PCNX2: variants seen among roughly 807,000 people sequenced by gnomAD.
PCNX2 encodes pecanex-like protein 2.
PCNX2 carries 168 observed loss-of-function variants against 223.8 expected under a neutral mutation model. The ratio of observed to expected loss-of-function variants is 0.75; its 90% confidence interval spans 0.66 to 0.85. The LOEUF (loss-of-function observed/expected upper bound fraction) is 0.85. Ranked by LOEUF, PCNX2 falls within the 40% of genes least tolerant of loss-of-function variation. PCNX2 has a pLI of 0.00. For synonymous variants in PCNX2, 1,006 were observed against 1,052.6 expected (o/e 0.96, Z 0.86); for missense variants, 2,507 against 2,675.5 (o/e 0.94, Z 1.39).
chr1:233,034,772 G>A (rs1407046927), intron 25 of PCNX2, among the ~76,000 whole-genome samples: 1 of 152,194 alleles, frequency 6.6e-6, no homozygotes, highest in Non-Finnish European at 1.5e-5. Context: ...CCTCATGAGA[G>A]GTACCTTCCT....
At chr1:233,207,503 T>C (rs2102908950) in intron 13 of PCNX2, among the ~76,000 whole-genome samples, 1 of 152,316 alleles carries the variant, frequency 6.6e-6, no homozygotes, top group African/African-American at 2.4e-5. Context: ...GCATATGCCG[T>C]CGGGTCAATA....
the PCNX2 span, among the ~76,000 whole-genome samples, chr1:233,307,458 C>G: frequency 2.0e-5 from 3 of 152,208 alleles, no homozygotes; most frequent in Non-Finnish European, 2.9e-5. Flanking sequence ...GTGGAAGCAG[C>G]CTGAAGCCCT....
At chr1:233,152,637 TCAGATAGCACTATGA>T (rs138902833) in intron 19 of PCNX2, among the ~76,000 whole-genome samples, 7,336 of 152,226 alleles carry the variant, frequency 0.048, 641 homozygotes, top group African/African-American at 0.17. Flanking sequence ...AATAAGGCAT[TCAGATAGCACTATGA>T]CCTATTGATG....
chr1:233,166,199 A>AT (rs150573244), intron 17 of PCNX2, among the ~76,000 whole-genome samples: 10,409 of 151,618 alleles, frequency 0.069, 562 homozygotes, highest in East Asian at 0.3. Flanking sequence ...AAATAAATAA[A>AT]TAAATTAAAT....
At position 232,991,453 on chromosome 1, in the gene PCNX2, G is replaced by A. The variant is rs1343862743; in HGVS notation, c.5792-4913C>T. On this transcript the variant is annotated intron_variant, in intron 32 of 33. Transcript: ENST00000258229. The surrounding 1 kb of genome is among the most constrained non-coding windows in gnomAD (Gnocchi z 4.3). ...TGCGGGGGAGGGGTGCTCATGGGAT[G>A]CGCGTGGGTGTTCCGGGCTGAATCA... Among the ~76,000 whole-genome samples the A allele has an allele frequency of 6.6e-6, 1 of 152,110 alleles. No individual in the cohort carries two copies. Among genetic ancestry groups the A allele is most frequent in the Non-Finnish European group, 1.5e-5 (1 of 67,998 alleles).
intron 9 of PCNX2, 151 bp downstream of exon 9, chr1:233,236,694 T>C (rs569997863): frequency 2.7e-5 from 30 of 1,096,562 alleles, no homozygotes; most frequent in Non-Finnish European, 3.9e-5. Context: ...ATTCAGTCAG[T>C]AGACTGCCTT....
chr1:233,110,071 A>T (rs1675030633), intron 21 of PCNX2, among the ~76,000 whole-genome samples: 1 of 152,224 alleles, frequency 6.6e-6, no homozygotes. Flanking sequence ...CCTGGGTGAC[A>T]GAGGGAGACC....
At chr1:233,050,348 T>TA (rs906732779) in intron 25 of PCNX2, among the ~76,000 whole-genome samples, 170 of 135,066 alleles carry the variant, frequency 1.3e-3, no homozygotes, top group Middle Eastern at 3.6e-3. Context: ...CCATACTGAA[T>TA]AAAAAAAAAA....
Position 233,258,725 on chromosome 1 carries a change from C to T in PCNX2, c.1137G>A (p.Thr379=), listed in dbSNP as rs549669481. ...TCATGGAGTTTGGGGTACTGCTCATCGTGATAACAATTTTTATGGGCTCAT... is the reference window on the plus strand; with the variant it reads ...TCATGGAGTTTGGGGTACTGCTCATTGTGATAACAATTTTTATGGGCTCAT... ...SLHEPIKIVI[T]MSSTPNSMTD... The change falls in exon 5 of 34, where the codon ACG becomes ACA. Residue 379 remains threonine (T), a synonymous_variant. Transcript: ENST00000258229. The T allele has an allele frequency of 4.0e-5, 65 of 1,613,772 alleles. No homozygotes were observed. The highest frequency in any genetic ancestry group is 5.0e-5 in the Non-Finnish European group (59 of 1,179,902).
intron 13 of PCNX2, among the ~76,000 whole-genome samples, chr1:233,202,871 G>A (rs968935118): frequency 8.5e-5 from 13 of 152,124 alleles, no homozygotes; most frequent in African/African-American, 1.7e-4. Flanking sequence ...GCTTGGACCC[G>A]GCTACAGCTG....
At chr1:233,144,394 T>C (rs1173619127) in intron 19 of PCNX2, among the ~76,000 whole-genome samples, 2 of 152,204 alleles carry the variant, frequency 1.3e-5, no homozygotes, top group Admixed American at 6.5e-5. Context: ...ATAGAGTACA[T>C]AACTAGGTGT....
intron 23 of PCNX2, among the ~76,000 whole-genome samples, chr1:233,086,428 C>T (rs57860528): frequency 0.097 from 14,795 of 151,762 alleles, 832 homozygotes; most frequent in African/African-American, 0.15. Context: ...GAGGCCAAGG[C>T]GAGTGGATCA....
At chr1:233,141,833 A>T (rs1456192594) in intron 19 of PCNX2, among the ~76,000 whole-genome samples, 2 of 151,484 alleles carry the variant, frequency 1.3e-5, no homozygotes, top group Admixed American at 6.6e-5. Flanking sequence ...TAGAAATCTT[A>T]CTTGAAAAGA....
the PCNX2 span, among the ~76,000 whole-genome samples, chr1:233,324,598 A>ATTTT: frequency 7.6e-3 from 970 of 127,518 alleles, 12 homozygotes; most frequent in African/African-American, 0.013. Context: ...GTTTACTGAA[A>ATTTT]TTTTTTTTTT....
intron 23 of PCNX2, among the ~76,000 whole-genome samples, chr1:233,080,804 G>T (rs183490961): frequency 3.4e-4 from 52 of 152,226 alleles, no homozygotes; most frequent in African/African-American, 1.2e-3. Context: ...CAAACATTCA[G>T]TCCACTGCAA....
At chr1:233,291,548 C>T (rs370158693) in intron 1 of PCNX2, 12 of 469,290 alleles carry the variant, frequency 2.6e-5, no homozygotes, top group African/African-American at 4.5e-5. Context: ...GTGGAGGTTG[C>T]GGTGAGCCGA....
intron 25 of PCNX2, among the ~76,000 whole-genome samples, chr1:233,038,929 C>T (rs1671549747): frequency 6.6e-6 from 1 of 152,172 alleles, no homozygotes. Context: ...TGATATTTTC[C>T]AGACCTGGTG....
chr1:233,025,036 G>T lies in PCNX2; in HGVS notation c.4605+110C>A, dbSNP rs576965440. The T allele has an allele frequency of 2.6e-4, 366 of 1,425,614 alleles. No individual in the cohort carries two copies. The African/African-American group carries it at 4.2e-3, about 16-fold the overall frequency. The allele number at this position is 1,425,614 out of a possible 1,614,324, so 88.3% of individuals were successfully genotyped here. A position where few individuals can be genotyped will look rare whatever the true frequency, so the allele number is the denominator to read the frequency against. The stretch of plus-strand genomic sequence containing the variant: ...CCCCAGATGGCTGGGTTTCCAATTC[G>T]GAAGCTGAGGATGACAGGCTTCAAA... On this transcript the variant is annotated intron_variant, in intron 26 of 33. Coordinates refer to ENST00000258229, the MANE Select transcript of PCNX2 (RefSeq NM_014801.4).
intron 23 of PCNX2, among the ~76,000 whole-genome samples, chr1:233,083,109 T>G (rs1318031): frequency 0.57 from 86,469 of 152,078 alleles, 25,115 homozygotes; most frequent in African/African-American, 0.63. Flanking sequence ...GCATGAATGA[T>G]AGCAGGACAC....
Sources: allele counts gnomAD v4.1 joint callset (sites outside exome capture counted in the v4.1 genomes callset), GRCh38; gene constraint gnomAD v4.1.1; non-coding constraint Gnocchi (gnomAD v3.1); transcripts MANE v1.5; gene names NCBI Gene and HGNC (gene_info 2026-07-23, HGNC 2026-07-21).